VPS13B: variants seen among roughly 807,000 people sequenced by gnomAD.
VPS13B encodes intermembrane lipid transfer protein VPS13B.
Under a neutral mutation model 426.4 loss-of-function variants are expected in VPS13B, and 285 were observed. The ratio of observed to expected loss-of-function variants is 0.67; its 90% CI spans 0.61 to 0.74. The LOEUF (loss-of-function observed/expected upper bound fraction) is 0.74. Ranked by LOEUF, VPS13B falls within the 30% of genes least tolerant of loss-of-function variation. The pLI, the probability that VPS13B is intolerant of heterozygous loss-of-function variation, is 0.00. For synonymous variants in VPS13B, 1,676 were observed against 1,676.4 expected, an observed-to-expected ratio of 1.00 and a Z score of 0.01; for missense variants, 4,537 against 4,782.6, an observed-to-expected ratio of 0.95 and a Z score of 1.51.
At chr8:99,494,242 C>G (rs891205702) in intron 25 of VPS13B, among the ~76,000 whole-genome samples, 3 of 152,082 alleles carry the variant, frequency 2.0e-5, no homozygotes, top group Non-Finnish European at 4.4e-5. Flanking sequence ...ACCTTCACAA[C>G]AGTCTCCAGT....
chr8:99,593,439 G>T (rs965652667), intron 33 of VPS13B, among the ~76,000 whole-genome samples: 4 of 152,016 alleles, frequency 2.6e-5, no homozygotes, highest in Non-Finnish European at 5.9e-5. Context: ...GGAGAAAAAC[G>T]GAATGCTTTT....
At chr8:99,779,070 A>G (rs781717973) in intron 42 of VPS13B, 39 bp downstream of exon 42, 5 of 1,558,380 alleles carry the variant, frequency 3.2e-6, no homozygotes, top group East Asian at 2.2e-5. Context: ...TTGGCCACAT[A>G]TGATCTTTTA....
intron 19 of VPS13B, among the ~76,000 whole-genome samples, chr8:99,302,324 G>C (rs768499852): frequency 5.9e-5 from 9 of 152,290 alleles, no homozygotes; most frequent in Middle Eastern, 6.8e-3. Context: ...TCTACTGTAA[G>C]TTGGAAATAC....
chr8:99,663,071 G>C (rs984556168), intron 35 of VPS13B, among the ~76,000 whole-genome samples: 4 of 151,882 alleles, frequency 2.6e-5, no homozygotes, highest in Non-Finnish European at 5.9e-5. Flanking sequence ...AAAAAGAAAA[G>C]AATTTAAAGC....
intron 33 of VPS13B, among the ~76,000 whole-genome samples, chr8:99,583,511 G>A (rs758812988): frequency 6.6e-5 from 10 of 152,128 alleles, no homozygotes; most frequent in Non-Finnish European, 1.3e-4. Flanking sequence ...TGATGGTAGA[G>A]GTTGTTTGGG....
intron 17 of VPS13B, among the ~76,000 whole-genome samples, chr8:99,242,403 C>G (rs1816980129): frequency 6.6e-6 from 1 of 152,174 alleles, no homozygotes; most frequent in African/African-American, 2.4e-5. Flanking sequence ...CATTGCTCAA[C>G]AAGAACTGTT....
At chr8:99,368,908 T>C (rs1813028238) in intron 19 of VPS13B, among the ~76,000 whole-genome samples, 1 of 152,226 alleles carries the variant, frequency 6.6e-6, no homozygotes, top group African/African-American at 2.4e-5. Context: ...CTTTCAAAAC[T>C]ACTCATGTTC....
chr8:99,502,914 A>C lies in VPS13B; in HGVS notation c.4121A>C (p.Lys1374Thr), dbSNP rs748331172. Residue 1374 changes from lysine to threonine, a missense_variant, in exon 27 of 62, where the codon AAA becomes ACA. Lys to Thr is a moderately conservative substitution (Grantham distance 78). Transcript: ENST00000357162. ...VQDVYTKVKC[K>T]IESFNIDHYR... ...GATGTATATACCAAAGTGAAATGTAAAATAGAGAGTTTCAATATTGATCAC... is the reference window on the plus strand; with the variant it reads ...GATGTATATACCAAAGTGAAATGTACAATAGAGAGTTTCAATATTGATCAC... 12 of 1,612,588 alleles carry C rather than the reference A, an allele frequency of 7.4e-6. No individual in the cohort carries two copies. In the Admixed American group the frequency reaches 2.0e-4, roughly 27 times the overall value.
chr8:99,147,801 A>T, intron 13 of VPS13B, 40 bp from the exon 14 acceptor site: 1 of 1,285,376 alleles, frequency 7.8e-7, no homozygotes, highest in Non-Finnish European at 1.0e-6. Flanking sequence ...AATATTATTT[A>T]AAAATATTCT....
At chr8:99,340,755 A>T (rs1430669911) in intron 19 of VPS13B, 4 of 341,476 alleles carry the variant, frequency 1.2e-5, no homozygotes, top group Non-Finnish European at 2.3e-5. Context: ...TGCTGCTGGC[A>T]CTTGGGCGAG....
rs552291542 is a variant in VPS13B, at chr8:99,424,017, C to T, written c.3083-7520C>T. Among the ~76,000 whole-genome samples the T allele has an allele frequency of 6.6e-4, 101 of 152,130 alleles. 1 individual carries two copies. The highest frequency in any genetic ancestry group is 6.8e-3 in the Middle Eastern group (2 of 294). On this transcript the variant is annotated intron_variant, in intron 21 of 61. Transcript: ENST00000357162. ...TAATGTTGACAGTGGGGTGTTAAGT[C>T]GCCCATTATTATTGTGTGGGAGTCT...
At chr8:99,872,376 C>G (rs764633490) in intron 61 of VPS13B, among the ~76,000 whole-genome samples, 2 of 152,198 alleles carry the variant, frequency 1.3e-5, no homozygotes, top group African/African-American at 4.8e-5. Flanking sequence ...TTCCCACCCC[C>G]TGAGTACCAC....
intron 7 of VPS13B, among the ~76,000 whole-genome samples, chr8:99,117,145 A>G (rs1485196112): frequency 6.6e-6 from 1 of 152,224 alleles, no homozygotes; most frequent in Non-Finnish European, 1.5e-5. Flanking sequence ...AAGGGCATTT[A>G]AAACTTAGGG....
intron 19 of VPS13B, among the ~76,000 whole-genome samples, chr8:99,352,592 G>T (rs1267949827): frequency 6.6e-6 from 1 of 152,166 alleles, no homozygotes; most frequent in Non-Finnish European, 1.5e-5. Context: ...CCAGCACTGA[G>T]GTGGGCAGAT....
intron 57 of VPS13B, 60 bp from the exon 58 acceptor site, chr8:99,861,716 T>C: frequency 6.4e-7 from 1 of 1,554,924 alleles, no homozygotes; most frequent in South Asian, 1.2e-5. Flanking sequence ...CTGAAACTAC[T>C]GCCTTGGGGT....
intron 21 of VPS13B, among the ~76,000 whole-genome samples, chr8:99,392,659 T>G (rs1298325055): frequency 1.3e-5 from 2 of 152,116 alleles, no homozygotes; most frequent in Admixed American, 1.3e-4. Context: ...AAATTCAAAT[T>G]AGCTATTGTA....
chr8:99,243,811 C>A (rs1194904207), intron 17 of VPS13B, among the ~76,000 whole-genome samples: 1 of 152,202 alleles, frequency 6.6e-6, no homozygotes, highest in Non-Finnish European at 1.5e-5. Flanking sequence ...TCAGCTCATG[C>A]CCAGATGTCT....
At position 99,121,478 on chromosome 8, in the gene VPS13B, T is replaced by G. The variant is rs7460625; in HGVS notation, c.1206+33T>G. 0.78 allele frequency: 1,252,125 copies of G among 1,610,834 alleles called. 490,782 individuals are homozygous for G. Among genetic ancestry groups the G allele is most frequent in the South Asian group, 0.87 (79,032 of 90,796 alleles). On this transcript the variant is annotated intron_variant, in intron 8 of 61. Transcript: ENST00000357162. ...TTTTCTCTTGCTGTTTATATCTCTATCAACTTTAATGCTTAAATTTGGATT... is the reference window on the plus strand; with the variant it reads ...TTTTCTCTTGCTGTTTATATCTCTAGCAACTTTAATGCTTAAATTTGGATT...
At position 99,226,569 on chromosome 8, in the gene VPS13B, A is replaced by G. The variant is rs572011496; in HGVS notation, c.2515+33512A>G. ...GATATTTTTAAGTTATTTTCCTGCA[A>G]AAATTTCTGAGAGCACAAATATTGG... On this transcript the variant is annotated intron_variant, in intron 17 of 61. Coordinates refer to ENST00000357162, the MANE Select transcript of VPS13B (RefSeq NM_152564.5). 2.6e-5 allele frequency among the ~76,000 whole-genome samples: 4 copies of G among 152,298 alleles called. No homozygotes were observed. In the South Asian group the frequency reaches 6.2e-4, roughly 24 times the overall value.
Sources: gnomAD v4.1 joint callset for allele counts (sites outside exome capture counted in the v4.1 genomes callset) on GRCh38, gnomAD v4.1.1 for gene constraint, MANE v1.5 for transcripts, NCBI Gene and HGNC (gene_info 2026-07-23, HGNC 2026-07-21) for gene names.